TENM4: variants seen among roughly 807,000 people sequenced by gnomAD.
TENM4 encodes the protein teneurin-4.
TENM4 carries 82 observed loss-of-function variants against 243.3 expected under a neutral mutation model. The observed-to-expected ratio is 0.34, with a 90% confidence interval of 0.28 to 0.40. The LOEUF (loss-of-function observed/expected upper bound fraction) is 0.40. TENM4 is among the 10% of genes least tolerant of loss of function. The pLI is 1.00. For missense variants in TENM4, 3,138 were observed against 3,673.3 expected (o/e 0.85, Z 3.77); for synonymous variants, 1,412 against 1,456.3 (o/e 0.97, Z 0.69).
At chr11:79,033,127 A>T (rs565723519) in intron 6 of TENM4, among the ~76,000 whole-genome samples, 1 of 152,126 alleles carries the variant, frequency 6.6e-6, no homozygotes, top group East Asian at 1.9e-4. Context: ...CCACTTGATG[A>T]CCTACTAGAT....
chr11:78,800,398 T>A (rs1857255935), intron 15 of TENM4, among the ~76,000 whole-genome samples: 1 of 152,114 alleles, frequency 6.6e-6, no homozygotes, highest in Non-Finnish European at 1.5e-5. Context: ...GAAACTAACA[T>A]GATCTAGGTC....
At chr11:78,851,335 T>C (rs780283330) in intron 12 of TENM4, among the ~76,000 whole-genome samples, 2 of 152,130 alleles carry the variant, frequency 1.3e-5, no homozygotes, top group Non-Finnish European at 2.9e-5. Context: ...TGTCCACATT[T>C]AGGTGAGAAT....
chr11:79,086,706 T>C lies in TENM4; in HGVS notation c.-65-16697A>G, dbSNP rs184555893. ...AAAATTAGCTGGGTGTGGTGGCTTATGCCTGTAGTCCCAGCTGCTTGGGAA... is the reference window on the plus strand; with the variant it reads ...AAAATTAGCTGGGTGTGGTGGCTTACGCCTGTAGTCCCAGCTGCTTGGGAA... On this transcript the variant is annotated intron_variant, in intron 4 of 33. Coordinates refer to ENST00000278550, the MANE Select transcript of TENM4 (RefSeq NM_001098816.3). Among the ~76,000 whole-genome samples, 496 of 152,054 alleles carry C rather than the reference T, an allele frequency of 3.3e-3. 12 individuals carry two copies. In the South Asian group the frequency reaches 0.051, roughly 16 times the overall value.
intron 9 of TENM4, among the ~76,000 whole-genome samples, chr11:78,873,500 T>C (rs1212314320): frequency 6.6e-6 from 1 of 152,214 alleles, no homozygotes; most frequent in Non-Finnish European, 1.5e-5. Context: ...CGTTACCTTC[T>C]AATTAGAGGT....
At chr11:79,036,637 C>A (rs35630567) in intron 6 of TENM4, among the ~76,000 whole-genome samples, 13,345 of 152,210 alleles carry the variant, frequency 0.088, 713 homozygotes, top group Non-Finnish European at 0.11. Flanking sequence ...CAAGTTTAGC[C>A]AAAGTGGTCA....
intron 1 of TENM4, among the ~76,000 whole-genome samples, chr11:79,433,839 T>G (rs1859216917): frequency 6.6e-6 from 1 of 152,098 alleles, no homozygotes; most frequent in African/African-American, 2.4e-5. Context: ...GAAACTAGAG[T>G]GGCATAAGTA....
At chr11:78,713,704 A>C (rs909607163) in intron 25 of TENM4, among the ~76,000 whole-genome samples, 1 of 152,246 alleles carries the variant, frequency 6.6e-6, no homozygotes, top group Non-Finnish European at 1.5e-5. Context: ...AAAGTAGCAT[A>C]GTGTAGTAGA....
At chr11:78,687,929 A>C in intron 29 of TENM4, 125 bp downstream of exon 29, 5 of 1,135,956 alleles carry the variant, frequency 4.4e-6, no homozygotes, top group South Asian at 1.6e-5. Flanking sequence ...GTGATAATAC[A>C]GAGAGTTGCA....
At chr11:78,853,231 G>A (rs1475850865) in intron 12 of TENM4, among the ~76,000 whole-genome samples, 2 of 152,100 alleles carry the variant, frequency 1.3e-5, no homozygotes, top group Non-Finnish European at 2.9e-5. Context: ...TTATTTTCCT[G>A]TAGGGAATTT....
chr11:78,726,011 AG>A, intron 23 of TENM4, 67 bp downstream of exon 23: 1 of 1,572,608 alleles, frequency 6.4e-7, no homozygotes, highest in Non-Finnish European at 8.6e-7. Flanking sequence ...TTTGTTTGGC[AG>A]GGCACAAGGG....
chr11:78,958,477 A>G (rs1254445654), intron 6 of TENM4, among the ~76,000 whole-genome samples: 1 of 152,206 alleles, frequency 6.6e-6, no homozygotes, highest in Non-Finnish European at 1.5e-5. Context: ...TGATTTCTGG[A>G]TGATTACCCT....
chr11:78,683,760 T>C (rs1352024657), intron 29 of TENM4, among the ~76,000 whole-genome samples: 1 of 152,022 alleles, frequency 6.6e-6, no homozygotes, highest in Non-Finnish European at 1.5e-5. Context: ...CGCTGGGAGC[T>C]GTAGACCGGA....
chr11:79,034,571 G>A (rs1200024478), intron 6 of TENM4, among the ~76,000 whole-genome samples: 1 of 152,046 alleles, frequency 6.6e-6, no homozygotes, highest in Non-Finnish European at 1.5e-5. Context: ...AAATATTGTG[G>A]AAGTTTAATT....
chr11:78,805,279 C>CCCACCCA lies in TENM4; in HGVS notation c.2179+12_2179+13insTGGGTGG. The CCCACCCA allele has an allele frequency of 3.3e-5, 50 of 1,512,234 alleles. No individual in the cohort carries two copies. The highest frequency in any genetic ancestry group is 3.9e-5 in the Non-Finnish European group (44 of 1,116,942). The allele number at this position is 1,512,234 out of a possible 1,614,324, so 93.7% of individuals were successfully genotyped here. On this transcript the variant is annotated intron_variant, in intron 15 of 33. Coordinates refer to ENST00000278550, the MANE Select transcript of TENM4 (RefSeq NM_001098816.3). Reference sequence around the variant, plus strand: ...CCTCCCTCTACCCATGCTTCTTCTCCCCCTGCATTTACCGATAGAACAGTC... The same window carrying CCCACCCA: ...CCTCCCTCTACCCATGCTTCTTCTCCCCACCCACCCTGCATTTACCGATAGAACAGTC...
chr11:78,821,483 C>G (rs1857731878), intron 12 of TENM4, among the ~76,000 whole-genome samples: 1 of 152,140 alleles, frequency 6.6e-6, no homozygotes, highest in South Asian at 2.1e-4. Context: ...TCCTTTGCCT[C>G]TATTTTTTTA....
chr11:79,363,353 T>C (rs1039689183), intron 1 of TENM4, among the ~76,000 whole-genome samples: 15 of 152,222 alleles, frequency 9.9e-5, no homozygotes, highest in African/African-American at 3.6e-4. Flanking sequence ...CTTGGGAGGT[T>C]TTCTCCCAAC....
At chr11:79,288,953 G>A (rs891176595) in intron 2 of TENM4, among the ~76,000 whole-genome samples, 6 of 152,152 alleles carry the variant, frequency 3.9e-5, no homozygotes, top group Non-Finnish European at 8.8e-5. Flanking sequence ...AAATAAGTCA[G>A]AGCTTGGATG....
chr11:79,272,765 C>T (rs1055122273), intron 2 of TENM4, among the ~76,000 whole-genome samples: 9 of 152,248 alleles, frequency 5.9e-5, no homozygotes, highest in African/African-American at 2.2e-4. Flanking sequence ...CTGGAAGCTT[C>T]CCCTGGCCTG....
Position 79,421,088 on chromosome 11 carries a change from T to C in TENM4, c.-321+19421A>G, listed in dbSNP as rs533026702. ...ATTTTTTAAACGTGACTCTCCCTAC[T>C]CTCCCTTTGCTTTTCTCTTTGCAAA... On this transcript the variant is annotated intron_variant, in intron 1 of 33. Coordinates refer to ENST00000278550, the MANE Select transcript of TENM4 (RefSeq NM_001098816.3). 2.6e-5 allele frequency among the ~76,000 whole-genome samples: 4 copies of C among 152,342 alleles called. No individual in the cohort carries two copies. In the South Asian group the frequency reaches 8.3e-4, roughly 32 times the overall value.
Sources: allele counts gnomAD v4.1 joint callset (sites outside exome capture counted in the v4.1 genomes callset), GRCh38; gene constraint gnomAD v4.1.1; transcripts MANE v1.5; gene names NCBI Gene and HGNC (gene_info 2026-07-23, HGNC 2026-07-21).